Variants in AGAP1 observed in about 807,000 individuals in gnomAD.
The protein encoded by AGAP1 is ArfGAP with GTPase domain, ankyrin repeat and PH domain 1, also known as arf-GAP with GTPase, ANK repeat and PH domain-containing protein 1.
In AGAP1, 29 loss-of-function variants were observed where a neutral mutation model predicts 105.3. The ratio of observed to expected loss-of-function variants is 0.28; its 90% CI spans 0.21 to 0.38. The LOEUF is 0.38. Ranked by LOEUF, AGAP1 falls within the 10% of genes least tolerant of loss-of-function variation. AGAP1 has a pLI of 1.00. For missense variants in AGAP1, 998 were observed against 1,165.1 expected, an observed-to-expected ratio of 0.86 and a Z score of 2.09; for synonymous variants, 509 against 485.9, an observed-to-expected ratio of 1.05 and a Z score of -0.63.
At chr2:235,791,439 G>GC (rs1956970307) in intron 6 of AGAP1, among the ~76,000 whole-genome samples, 1 of 152,040 alleles carries the variant, frequency 6.6e-6, no homozygotes, top group Non-Finnish European at 1.5e-5. Context: ...TTTTGTAGGG[G>GC]CGGGGGATGG....
chr2:236,122,411 T>C (rs769200353), intron 17 of AGAP1, among the ~76,000 whole-genome samples: 17 of 152,264 alleles, frequency 1.1e-4, no homozygotes, highest in Non-Finnish European at 1.9e-4. Context: ...CAGTTATAAA[T>C]TACAGGCCAT....
chr2:235,980,177 T>G (rs1412636724), intron 13 of AGAP1, among the ~76,000 whole-genome samples: 1 of 152,236 alleles, frequency 6.6e-6, no homozygotes, highest in Non-Finnish European at 1.5e-5. Context: ...ACACACTGAT[T>G]GGGCACAGTT....
rs2050101317 is a variant in AGAP1, at chr2:235,882,884, C to A, written c.1051-461C>A. Among the ~76,000 whole-genome samples the A allele has an allele frequency of 6.6e-6, 1 of 152,082 alleles. No homozygotes were observed. The highest frequency in any genetic ancestry group is 2.4e-5 in the African/African-American group (1 of 41,406). ...CTGGAGTACGGTGGTACAATCATAG[C>A]TCACTGCCACCTCAACCTCCTGGGC... is the stretch of plus-strand genomic sequence containing the variant. On this transcript the variant is annotated intron_variant, in intron 9 of 17. Transcript: ENST00000304032. The surrounding 1 kb of genome is among the most constrained non-coding windows in gnomAD (Gnocchi z 4.6).
chr2:235,700,522 G>T lies in AGAP1; in HGVS notation c.164-8657G>T, dbSNP rs571813873. Among the ~76,000 whole-genome samples, 1 of 152,098 alleles carries T rather than the reference G, an allele frequency of 6.6e-6. No homozygotes were observed. The highest frequency in any genetic ancestry group is 1.5e-5 in the Non-Finnish European group (1 of 68,028). ...AGAAACTGTAATGAAAATGAGGGCCGGGTGTGTTGGCTCACACTTGTAATC... is the reference window on the plus strand; with the variant it reads ...AGAAACTGTAATGAAAATGAGGGCCTGGTGTGTTGGCTCACACTTGTAATC... On this transcript the variant is annotated intron_variant, in intron 1 of 17. Coordinates refer to ENST00000304032, the MANE Select transcript of AGAP1 (RefSeq NM_001037131.3). This position sits in a 1 kb window ranked among gnomAD's most constrained non-coding sequence, Gnocchi z 6.1.
At chr2:235,676,435 A>G (rs191771119) in intron 1 of AGAP1, among the ~76,000 whole-genome samples, 74 of 152,344 alleles carry the variant, frequency 4.9e-4, no homozygotes, top group African/African-American at 1.8e-3. Context: ...GAGGGAGTGA[A>G]TTGAATGTTC....
intron 1 of AGAP1, among the ~76,000 whole-genome samples, chr2:235,603,678 T>G (rs1945815948): frequency 6.6e-6 from 1 of 152,220 alleles, no homozygotes; most frequent in East Asian, 1.9e-4. Flanking sequence ...AATAGGCAAC[T>G]TTCAGTGATT....
chr2:235,595,638 TAAAC>T (rs1202484269), intron 1 of AGAP1, among the ~76,000 whole-genome samples: 1 of 152,188 alleles, frequency 6.6e-6, no homozygotes, highest in Non-Finnish European at 1.5e-5. Flanking sequence ...GTGAGATGCG[TAAAC>T]AAACTGTCCC....
At position 235,843,170 on chromosome 2, in the gene AGAP1, C is replaced by G. The variant is rs961938564; in HGVS notation, c.1050+35839C>G. 1.3e-5 allele frequency among the ~76,000 whole-genome samples: 2 copies of G among 152,114 alleles called. No individual in the cohort carries two copies. Among genetic ancestry groups the G allele is most frequent in the African/African-American group, 2.4e-5 (1 of 41,438 alleles). On this transcript the variant is annotated intron_variant, in intron 9 of 17. Transcript: ENST00000304032. The surrounding 1 kb of genome is among the most constrained non-coding windows in gnomAD (Gnocchi z 5.9). ...CCTGTGAAGTCGCTGTTCATCCCTG[C>G]AGGCTCCCTGTACCCCCAGCTCCCA...
chr2:235,957,869 C>T lies in AGAP1; in HGVS notation c.1484-10593C>T, dbSNP rs2054014178. On this transcript the variant is annotated intron_variant, in intron 12 of 17. Transcript: ENST00000304032. This position sits in a 1 kb window ranked among gnomAD's most constrained non-coding sequence, Gnocchi z 4.6. ...CTTCAGCCCTCAACTGATTTCCTCT[C>T]CTGGCACCTACAAATGGGCCTGTCT... 6.6e-6 allele frequency among the ~76,000 whole-genome samples: 1 copy of T among 152,190 alleles called. No individual in the cohort carries two copies. The highest frequency in any genetic ancestry group is 6.5e-5 in the Admixed American group (1 of 15,286).
intron 9 of AGAP1, among the ~76,000 whole-genome samples, chr2:235,826,141 TAGA>T (rs1410171044): frequency 6.6e-6 from 1 of 152,194 alleles, no homozygotes; most frequent in Non-Finnish European, 1.5e-5. Context: ...TTGGCTCCAG[TAGA>T]AGGAGAAGGA....
chr2:235,906,879 TGG>T lies in AGAP1; in HGVS notation c.1156-1858_1156-1857del, dbSNP rs1387703344. The stretch of plus-strand genomic sequence containing the variant: ...TGGGTGTTGCCCTGCAATTAAAAGG[TGG>T]ACTGCTTGCCTGTCATCCCAGCTAC... On this transcript the variant is annotated intron_variant, in intron 10 of 17. Transcript: ENST00000304032. This position sits in a 1 kb window ranked among gnomAD's most constrained non-coding sequence, Gnocchi z 5.3. 6.6e-6 allele frequency among the ~76,000 whole-genome samples: 1 copy of T among 151,622 alleles called. No individual in the cohort carries two copies. Among genetic ancestry groups the T allele is most frequent in the East Asian group, 1.9e-4 (1 of 5,190 alleles).
In AGAP1 at chr2:235,582,634, G is replaced by A. The variant is rs1944971961; in HGVS notation, c.163+87785G>A. On this transcript the variant is annotated intron_variant, in intron 1 of 17. Coordinates refer to ENST00000304032, the MANE Select transcript of AGAP1 (RefSeq NM_001037131.3). The surrounding 1 kb of genome is among the most constrained non-coding windows in gnomAD (Gnocchi z 4.7). ...GGACCTATAAATATTTCTTAAAAGT[G>A]TTTTACAACAAAAGCACGGAGTGTA... Among the ~76,000 whole-genome samples the A allele has an allele frequency of 6.6e-6, 1 of 152,180 alleles. No homozygotes were observed. The highest frequency in any genetic ancestry group is 6.5e-5 in the Admixed American group (1 of 15,276).
chr2:235,991,690 G>A (rs889873713), intron 13 of AGAP1, among the ~76,000 whole-genome samples: 1 of 152,242 alleles, frequency 6.6e-6, no homozygotes, highest in African/African-American at 2.4e-5. Flanking sequence ...GGCTCTTAAA[G>A]TGAAGGCAAT....
chr2:235,777,999 G>A lies in AGAP1; in HGVS notation c.674-19760G>A, dbSNP rs1956010049. ...GCCCTCACCCTCTGCCTCAGACCTG[G>A]GCGATCTCATATCTGTGTGTTTCAC... On this transcript the variant is annotated intron_variant, in intron 6 of 17. Coordinates refer to ENST00000304032, the MANE Select transcript of AGAP1 (RefSeq NM_001037131.3). This position sits in a 1 kb window ranked among gnomAD's most constrained non-coding sequence, Gnocchi z 5.1. Among the ~76,000 whole-genome samples, 1 of 152,168 alleles carries A rather than the reference G, an allele frequency of 6.6e-6. No individual in the cohort carries two copies. Among genetic ancestry groups the A allele is most frequent in the African/African-American group, 2.4e-5 (1 of 41,522 alleles).
chr2:235,543,924 A>G (rs763941951), intron 1 of AGAP1, among the ~76,000 whole-genome samples: 5 of 152,176 alleles, frequency 3.3e-5, no homozygotes, highest in Non-Finnish European at 7.3e-5. Flanking sequence ...TATCTGGTCA[A>G]GGGCTTGCGG....
intron 9 of AGAP1, among the ~76,000 whole-genome samples, chr2:235,814,418 G>T (rs1175993636): frequency 1.3e-5 from 2 of 152,210 alleles, no homozygotes; most frequent in Non-Finnish European, 2.9e-5. Context: ...AGTTAATGTT[G>T]CCAGAACTTG....
At chr2:235,772,276 G>A (rs1297357029) in intron 6 of AGAP1, among the ~76,000 whole-genome samples, 1 of 152,090 alleles carries the variant, frequency 6.6e-6, no homozygotes, top group Non-Finnish European at 1.5e-5. Flanking sequence ...ACGTGTGTGA[G>A]CCACCACACC....
intron 13 of AGAP1, among the ~76,000 whole-genome samples, chr2:236,013,022 C>T (rs1448919014): frequency 6.6e-6 from 1 of 152,168 alleles, no homozygotes; most frequent in Non-Finnish European, 1.5e-5. Flanking sequence ...GCTGGGATTA[C>T]AGACGTGAGG....
At position 235,807,295 on chromosome 2, in the gene AGAP1, C is replaced by T. The variant is rs763839960; in HGVS notation, c.1014C>T (p.Asp338=). 2 of 1,605,156 alleles carry T rather than the reference C, an allele frequency of 1.2e-6. No individual in the cohort carries two copies. The highest frequency in any genetic ancestry group is 8.5e-7 in the Non-Finnish European group (1 of 1,177,796). Residue 338 remains aspartate (D), a synonymous_variant, in exon 9 of 18, where the codon GAC becomes GAT. Transcript: ENST00000304032. ...KEKKGLESRA[D]SIGSGRAIPI... ...AGAAAGGCCTGGAGAGTCGTGCGGA[C>T]AGCATTGGGAGCGGCCGAGCCATCC...
Sources: gnomAD v4.1 joint callset for allele counts (sites outside exome capture counted in the v4.1 genomes callset) on GRCh38, gnomAD v4.1.1 for gene constraint, Gnocchi (gnomAD v3.1) non-coding constraint, MANE v1.5 for transcripts, NCBI Gene and HGNC (gene_info 2026-07-23, HGNC 2026-07-21) for gene names.